HSPA12A: variants seen among roughly 807,000 people sequenced by gnomAD.
HSPA12A encodes heat shock 70 kDa protein 12A.
HSPA12A carries 28 observed loss-of-function variants against 69.2 expected under a neutral mutation model. The ratio of observed to expected loss-of-function variants is 0.40; its 90% confidence interval spans 0.30 to 0.55. The LOEUF (loss-of-function observed/expected upper bound fraction) is 0.55, where lower values mean the gene tolerates loss of function less well. HSPA12A is among the 20% of genes least tolerant of loss of function. HSPA12A has a pLI of 0.38. For synonymous variants in HSPA12A, 345 were observed against 370.5 expected, an observed-to-expected ratio of 0.93 and a Z score of 0.79; for missense variants, 686 against 900.7, an observed-to-expected ratio of 0.76 and a Z score of 3.05.
intron 1 of HSPA12A, among the ~76,000 whole-genome samples, chr10:116,707,780 G>A (rs961950301): frequency 6.6e-6 from 1 of 152,224 alleles, no homozygotes; most frequent in African/African-American, 2.4e-5. Context: ...AATGTAGGAT[G>A]TGATGAAGCT....
chr10:116,832,623 T>C (rs1251301596), intron 2 of HSPA12A: 1 of 152,240 alleles, frequency 6.6e-6, no homozygotes, highest in Non-Finnish European at 1.5e-5. Context: ...TTTTCAAATA[T>C]GTCCTGTGCA....
At chr10:116,804,091 C>T (rs1384930817) in intron 2 of HSPA12A, among the ~76,000 whole-genome samples, 2 of 152,172 alleles carry the variant, frequency 1.3e-5, no homozygotes, top group Non-Finnish European at 2.9e-5. Context: ...GGTCGACAGG[C>T]ACATACGCAT....
At chr10:116,783,683 C>T (rs1237264213) in intron 2 of HSPA12A, among the ~76,000 whole-genome samples, 2 of 152,190 alleles carry the variant, frequency 1.3e-5, no homozygotes, top group East Asian at 1.9e-4. Flanking sequence ...GAAAAAAGAG[C>T]AAGGAACAGA....
chr10:116,741,969 G>A (rs1444584660), intron 1 of HSPA12A, among the ~76,000 whole-genome samples: 3 of 152,152 alleles, frequency 2.0e-5, no homozygotes, highest in African/African-American at 7.2e-5. Context: ...ATTTCCCCCA[G>A]GCTCCCACTC....
At chr10:116,811,143 A>G (rs1309775384) in intron 2 of HSPA12A, among the ~76,000 whole-genome samples, 1 of 152,190 alleles carries the variant, frequency 6.6e-6, no homozygotes, top group African/African-American at 2.4e-5. Flanking sequence ...TGGCCATGAT[A>G]GCAATGGAAG....
chr10:116,791,766 C>T (rs1221458748), intron 2 of HSPA12A, among the ~76,000 whole-genome samples: 1 of 152,078 alleles, frequency 6.6e-6, no homozygotes, highest in Admixed American at 6.6e-5. Context: ...CACCTCCAGC[C>T]CCTGCCAGCA....
intron 1 of HSPA12A, among the ~76,000 whole-genome samples, chr10:116,847,139 C>T (rs1347615682): frequency 2.6e-5 from 4 of 152,158 alleles, no homozygotes; most frequent in Admixed American, 2.0e-4. Flanking sequence ...TGCATCATAT[C>T]GCCTCCATCA....
At chr10:116,732,219 A>G (rs1405023266) in intron 1 of HSPA12A, among the ~76,000 whole-genome samples, 2 of 151,824 alleles carry the variant, frequency 1.3e-5, no homozygotes, top group African/African-American at 2.4e-5. Context: ...AATTGCAGCT[A>G]TTCCAGAGGC....
At chr10:116,711,250 T>C (rs1850416487) in intron 1 of HSPA12A, among the ~76,000 whole-genome samples, 1 of 152,088 alleles carries the variant, frequency 6.6e-6, no homozygotes, top group Admixed American at 6.6e-5. Context: ...GGGACTACTC[T>C]CACCCAGGGG....
intron 2 of HSPA12A, among the ~76,000 whole-genome samples, chr10:116,796,812 G>A (rs1844836267): frequency 6.6e-6 from 1 of 152,104 alleles, no homozygotes; most frequent in African/African-American, 2.4e-5. Flanking sequence ...CAGGCTGAGG[G>A]TGACTGACCT....
In HSPA12A at chr10:116,737,818, T is replaced by G. The variant is rs557338562; in HGVS notation, c.40+4612A>C. ...GAGCTCAGAGCAGCATCTGCAAAGC[T>G]GCAGCCTGGGAGTCATTTGCAATGA... On this transcript the variant is annotated intron_variant, in intron 1 of 11. Coordinates refer to ENST00000369209, the MANE Select transcript of HSPA12A (RefSeq NM_025015.3). 4.6e-5 allele frequency among the ~76,000 whole-genome samples: 7 copies of G among 152,300 alleles called. No individual in the cohort carries two copies. In the South Asian group the frequency reaches 1.4e-3, roughly 32 times the overall value.
Position 116,755,420 on chromosome 10 carries a change from T to C in HSPA12A, c.92-48135A>G, listed in dbSNP as rs375155429. Among the ~76,000 whole-genome samples the C allele has an allele frequency of 2.2e-4, 33 of 151,800 alleles. No individual in the cohort carries two copies. The South Asian group carries it at 4.8e-3, about 22-fold the overall frequency. ...TGAAGCCAGGAGTTCGAGACCAGCA[T>C]GGCCAACATGGTGGAACTCCGTCTC... On this transcript the variant is annotated intron_variant, in intron 2 of 12. Coordinates refer to the HSPA12A transcript ENST00000635765.
chr10:116,751,789 G>A (rs1307260699), intron 2 of HSPA12A, among the ~76,000 whole-genome samples: 1 of 151,856 alleles, frequency 6.6e-6, no homozygotes, highest in African/African-American at 2.4e-5. Context: ...TAAATGGCTT[G>A]GCTTAGTACC....
intron 10 of HSPA12A, among the ~76,000 whole-genome samples, chr10:116,678,348 CAAAAAAAAAAAA>C (rs55780024): frequency 3.4e-5 from 2 of 59,382 alleles, no homozygotes; most frequent in African/African-American, 7.2e-5. Flanking sequence ...TGCCAACTTG[CAAAAAAAAAAAA>C]AAAAAAAAAA....
chr10:116,741,476 C>T (rs1851503118), intron 1 of HSPA12A, among the ~76,000 whole-genome samples: 3 of 152,258 alleles, frequency 2.0e-5, no homozygotes, highest in Admixed American at 2.0e-4. Flanking sequence ...GCGCTCCTCT[C>T]CCCGGCGGCC....
rs1554887345 is a variant in HSPA12A, at chr10:116,742,484, G to A, written c.-15C>T. ...TTGTCCGCCATGGTCGCGCAGCCCC[G>A]GACCGCGAGGGGAGCCTCCAGCGCA... On this transcript the variant is annotated 5_prime_UTR_variant, in exon 1 of 12. Coordinates refer to ENST00000369209, the MANE Select transcript of HSPA12A (RefSeq NM_025015.3). The A allele has an allele frequency of 2.2e-6, 3 of 1,345,210 alleles. No individual in the cohort carries two copies. Among genetic ancestry groups the A allele is most frequent in the East Asian group, 6.7e-5 (2 of 29,774 alleles). The allele number at this position is 1,345,210 out of a possible 1,614,324, so 83.3% of individuals were successfully genotyped here.
chr10:116,681,952 G>T, intron 7 of HSPA12A, 75 bp from the exon 8 acceptor site: 1 of 1,343,182 alleles, frequency 7.4e-7, no homozygotes, highest in Non-Finnish European at 1.1e-6. Flanking sequence ...AGTCAGTGAA[G>T]GCAATAGCAT....
At chr10:116,796,794 G>A (rs1177232029) in intron 2 of HSPA12A, among the ~76,000 whole-genome samples, 1 of 152,062 alleles carries the variant, frequency 6.6e-6, no homozygotes, top group African/African-American at 2.4e-5. Flanking sequence ...GCAACCCAAG[G>A]ACAGCCCCAG....
intron 2 of HSPA12A, among the ~76,000 whole-genome samples, chr10:116,788,510 T>C (rs1844629598): frequency 6.6e-6 from 1 of 152,104 alleles, no homozygotes. Flanking sequence ...TGAAAAGCAC[T>C]AGGAAAAAGA....
Sources: gnomAD v4.1 joint callset for allele counts (sites outside exome capture counted in the v4.1 genomes callset) on GRCh38, gnomAD v4.1.1 for gene constraint, MANE v1.5 for transcripts, NCBI Gene and HGNC (gene_info 2026-07-23, HGNC 2026-07-21) for gene names.